Variants in DPH1 observed in about 807,000 individuals in gnomAD.
The protein encoded by DPH1 is diphthamide biosynthesis 1, also known as 2-(3-amino-3-carboxypropyl)histidine synthase subunit 1.
A neutral mutation model predicts 55.3 loss-of-function variants in DPH1; 59 were observed. The observed-to-expected ratio is 1.07, with a 90% CI of 0.87 to 1.33. The LOEUF (loss-of-function observed/expected upper bound fraction) is 1.33, where lower values mean the gene tolerates loss of function less well. DPH1 is among the 40% of genes most tolerant of loss of function. The pLI is 0.00. For synonymous variants in DPH1, 238 were observed against 235.5 expected (o/e 1.01, Z -0.10); for missense variants, 628 against 584.8 (o/e 1.07, Z -0.76).
At chr17:2,040,464 C>A (rs1287888973) in intron 8 of DPH1, 41 bp from the exon 9 acceptor site, 2 of 1,613,800 alleles carry the variant, frequency 1.2e-6, no homozygotes, top group Non-Finnish European at 1.7e-6. Flanking sequence ...GCTTTGGCTG[C>A]TTGACCAGGT....
chr17:2,037,276 A>T, intron 6 of DPH1: 1 of 218,858 alleles, frequency 4.6e-6, no homozygotes, highest in Non-Finnish European at 9.0e-6. Context: ...CAGCCCCATT[A>T]ATTTACCATC....
chr17:2,033,537 A>G lies in DPH1; in HGVS notation c.94A>G (p.Ile32Val), dbSNP rs766239363. The change falls in exon 2 of 13, where the codon ATC becomes GTC. Residue 32 changes from isoleucine (I) to valine (V), a missense_variant. Coordinates refer to ENST00000263083, the MANE Select transcript of DPH1 (RefSeq NM_001383.6). ...CCCTCGGGGCCGCGTGGCCAATCAG[A>G]TCCCCCCTGAGATCCTGAAGAACCC... ...RAPRGRVANQIPPEILKNPQL... is the reference protein window; with the variant it reads ...RAPRGRVANQVPPEILKNPQL... The G allele has an allele frequency of 6.2e-7, 1 of 1,614,180 alleles. No individual in the cohort carries two copies. The highest frequency in any genetic ancestry group is 2.2e-5 in the East Asian group (1 of 44,878).
At chr17:2,035,673 T>C (rs1044025704) in intron 3 of DPH1, among the ~76,000 whole-genome samples, 3 of 152,068 alleles carry the variant, frequency 2.0e-5, no homozygotes, top group African/African-American at 7.2e-5. Context: ...ATGGGGCGTC[T>C]GTGTTTTGAC....
chr17:2,037,288 G>A lies in DPH1; in HGVS notation c.680+332G>A, dbSNP rs540898748. On this transcript the variant is annotated intron_variant, in intron 6 of 12. Coordinates refer to ENST00000263083, the MANE Select transcript of DPH1 (RefSeq NM_001383.6). ...CTGCAGCCCCATTAATTTACCATCC[G>A]GACAGCTAACAAGCAGAAGCAGCGT... 17 of 201,106 alleles carry A rather than the reference G, an allele frequency of 8.5e-5. No individual in the cohort carries two copies. In the South Asian group the frequency reaches 1.8e-3, roughly 21 times the overall value. 12.5% of individuals were successfully genotyped at this position (201,106 alleles called of 1,614,324 possible). A position where few individuals can be genotyped will look rare whatever the true frequency, so the allele number is the denominator to read the frequency against.
At chr17:2,031,097 C>G (rs949920283) in intron 1 of DPH1, among the ~76,000 whole-genome samples, 3 of 152,150 alleles carry the variant, frequency 2.0e-5, no homozygotes, top group African/African-American at 7.2e-5. Flanking sequence ...GACTCTGTGG[C>G]TCCTGAAGAG....
intron 1 of DPH1, among the ~76,000 whole-genome samples, chr17:2,033,071 A>C (rs1399563980): frequency 1.3e-5 from 2 of 152,140 alleles, no homozygotes; most frequent in Non-Finnish European, 2.9e-5. Flanking sequence ...GGGATCTTTA[A>C]AGTGAATTAA....
At chr17:2,042,337 C>T (rs1462409444) in intron 12 of DPH1, 1 of 1,364,198 alleles carries the variant, frequency 7.3e-7, no homozygotes, top group Non-Finnish European at 9.5e-7. Flanking sequence ...GCATTCCTCC[C>T]ACCCAGTCCA....
chr17:2,033,745 C>T, intron 2 of DPH1, 34 bp from the exon 3 acceptor site: 2 of 1,614,186 alleles, frequency 1.2e-6, no homozygotes, highest in Non-Finnish European at 1.7e-6. Flanking sequence ...CCCTTCCTAG[C>T]CCTCCACCTC....
At chr17:2,042,251 G>A in intron 12 of DPH1, 1 of 1,410,596 alleles carries the variant, frequency 7.1e-7, no homozygotes, top group South Asian at 1.5e-5. Context: ...GCCCCGCTCC[G>A]GAAACGCACT....
At chr17:2,041,706 G>A in intron 11 of DPH1, 62 bp from the exon 12 acceptor site, 3 of 1,579,966 alleles carry the variant, frequency 1.9e-6, no homozygotes, top group South Asian at 2.3e-5. Flanking sequence ...ACGCACAGGA[G>A]CGGAGCGGAG....
chr17:2,030,923 C>T (rs1282971056), intron 1 of DPH1, among the ~76,000 whole-genome samples: 1 of 152,208 alleles, frequency 6.6e-6, no homozygotes, highest in Non-Finnish European at 1.5e-5. Context: ...GGGCCCCAGC[C>T]TCCGCTGGAC....
Position 2,033,525 on chromosome 17 carries a change from G to T in DPH1, c.82G>T (p.Val28Leu). The T allele has an allele frequency of 6.2e-7, 1 of 1,614,146 alleles. No individual in the cohort carries two copies. The highest frequency in any genetic ancestry group is 1.1e-5 in the South Asian group (1 of 91,086). ...PGRGRAPRGR[V>L]ANQIPPEILK... ...TCTAGGTCGGGCCCCTCGGGGCCGC[G>T]TGGCCAATCAGATCCCCCCTGAGAT... Residue 28 changes from valine to leucine, a missense_variant, in exon 2 of 13, where the codon GTG becomes TTG. Physicochemically the swap from Val to Leu is conservative, Grantham distance 32 (BLOSUM62 1). Transcript: ENST00000263083.
At chr17:2,042,525 C>T (rs1039173342) in intron 12 of DPH1, 80 bp from the exon 13 acceptor site, 22 of 1,457,736 alleles carry the variant, frequency 1.5e-5, no homozygotes, top group Non-Finnish European at 1.9e-5. Flanking sequence ...TCATCTCGAA[C>T]CCTCCTGCCC....
At position 2,043,100 on chromosome 17, in the gene DPH1, AG is replaced by A; in HGVS notation, c.*515del. ...CTCAAGTTCTTGGACCAGTTTGCAG[AG>A]TGAAAGATCAAGAAATGTCTCTGCT... On this transcript the variant is annotated 3_prime_UTR_variant, in exon 13 of 13. Coordinates refer to ENST00000263083, the MANE Select transcript of DPH1 (RefSeq NM_001383.6). 1 of 1,612,718 alleles carries A rather than the reference AG, an allele frequency of 6.2e-7. No individual in the cohort carries two copies.
intron 11 of DPH1, 66 bp downstream of exon 11, chr17:2,041,687 C>T (rs761476837): frequency 7.0e-6 from 11 of 1,576,612 alleles, no homozygotes; most frequent in African/African-American, 1.4e-5. Context: ...CCTGCGACCG[C>T]GACGGGAAAC....
intron 3 of DPH1, among the ~76,000 whole-genome samples, chr17:2,035,478 G>A (rs1314700661): frequency 2.1e-5 from 3 of 139,752 alleles, no homozygotes; most frequent in Non-Finnish European, 4.6e-5. Context: ...GGGTGAGGGG[G>A]CCCTGCCTGT....
intron 6 of DPH1, 84 bp from the exon 7 acceptor site, chr17:2,039,671 C>T (rs2067482824): frequency 1.3e-6 from 2 of 1,573,474 alleles, no homozygotes; most frequent in Non-Finnish European, 1.7e-6. Context: ...GCCACCGCGC[C>T]CGGCCAGCCC....
At chr17:2,041,680 G>C in intron 11 of DPH1, 59 bp downstream of exon 11, 1 of 1,577,992 alleles carries the variant, frequency 6.3e-7, no homozygotes, top group Non-Finnish European at 8.6e-7. Context: ...CCGCCGCCCT[G>C]CGACCGCGAC....
chr17:2,038,474 A>C (rs11078787), intron 6 of DPH1, among the ~76,000 whole-genome samples: 117,974 of 152,060 alleles, frequency 0.78, 45,823 homozygotes, highest in East Asian at 0.94. Flanking sequence ...CTGTTAGGAA[A>C]CCTGCCGCAC....
Sources: gnomAD v4.1 joint callset for allele counts (sites outside exome capture counted in the v4.1 genomes callset) on GRCh38, gnomAD v4.1.1 for gene constraint, MANE v1.5 for transcripts, NCBI Gene and HGNC (gene_info 2026-07-23, HGNC 2026-07-21) for gene names.